The following PDLIM5 variants were observed in gnomAD, a reference collection of about 807,000 sequenced individuals.
The protein encoded by PDLIM5 is PDZ and LIM domain 5, also known as PDZ and LIM domain protein 5.
A neutral mutation model predicts 64.2 loss-of-function variants in PDLIM5; 34 were observed. That is an observed-to-expected ratio of 0.53 (90% CI 0.40 to 0.71). The LOEUF (loss-of-function observed/expected upper bound fraction) is 0.71, where lower values mean the gene tolerates loss of function less well. Among genes scored for constraint, PDLIM5 ranks in the 30% least tolerant of loss-of-function variants. The probability of loss-of-function intolerance (pLI) is 0.00; values close to 1 mark genes in which losing one functional copy is unlikely to be tolerated. For missense variants in PDLIM5, 683 were observed against 733.6 expected (o/e 0.93, Z 0.80); for synonymous variants, 253 against 269.1 (o/e 0.94, Z 0.59).
intron 2 of PDLIM5, among the ~76,000 whole-genome samples, chr4:94,491,757 A>G (rs1726893012): frequency 6.6e-6 from 1 of 152,090 alleles, no homozygotes; most frequent in African/African-American, 2.4e-5. Flanking sequence ...TTCTCCCTTC[A>G]TTTTTAAATA....
intron 3 of PDLIM5, among the ~76,000 whole-genome samples, chr4:94,564,243 T>A (rs1734096220): frequency 6.6e-6 from 1 of 152,170 alleles, no homozygotes; most frequent in Non-Finnish European, 1.5e-5. Flanking sequence ...ATTACAAGCA[T>A]GAGCCATCGT....
At chr4:94,459,596 A>T (rs567154954) in intron 2 of PDLIM5, among the ~76,000 whole-genome samples, 3 of 152,252 alleles carry the variant, frequency 2.0e-5, no homozygotes, top group African/African-American at 7.2e-5. Context: ...TGAAGAAGAT[A>T]CAAAGTGGGG....
intron 2 of PDLIM5, among the ~76,000 whole-genome samples, chr4:94,471,391 T>TAA (rs1006552729): frequency 6.8e-6 from 1 of 146,486 alleles, no homozygotes; most frequent in Admixed American, 6.8e-5. Context: ...TTTCTAGGCT[T>TAA]AAAAAAAAAA....
At position 94,596,061 on chromosome 4, in the gene PDLIM5, T is replaced by A. The variant is rs144889003; in HGVS notation, c.920+9617T>A. Among the ~76,000 whole-genome samples the A allele has an allele frequency of 5.5e-3, 840 of 152,314 alleles. 12 individuals carry two copies. The highest frequency in any genetic ancestry group is 0.019 in the African/African-American group (801 of 41,572). On this transcript the variant is annotated intron_variant, in intron 7 of 12. Coordinates refer to ENST00000317968, the MANE Select transcript of PDLIM5 (RefSeq NM_006457.5). ...AGTATACTGTTTTATGCAAATACTG[T>A]TTTGCTGACTACAATGTAAAGGTCG...
intron 3 of PDLIM5, among the ~76,000 whole-genome samples, chr4:94,555,002 T>A (rs1733149440): frequency 6.6e-6 from 1 of 151,344 alleles, no homozygotes; most frequent in Non-Finnish European, 1.5e-5. Flanking sequence ...TGTGAGCACA[T>A]TTCAGGTAGG....
At chr4:94,628,293 C>A (rs1407416986) in intron 8 of PDLIM5, among the ~76,000 whole-genome samples, 3 of 152,176 alleles carry the variant, frequency 2.0e-5, no homozygotes, top group Admixed American at 2.0e-4. Flanking sequence ...CATAAAATAG[C>A]TGACCTACCA....
chr4:94,493,636 C>T (rs1466482490), intron 2 of PDLIM5, among the ~76,000 whole-genome samples: 1 of 152,114 alleles, frequency 6.6e-6, no homozygotes, highest in African/African-American at 2.4e-5. Context: ...AAAGCTGCTG[C>T]TTTAAATATT....
At chr4:94,526,036 T>C (rs1351495013) in intron 3 of PDLIM5, among the ~76,000 whole-genome samples, 1 of 152,160 alleles carries the variant, frequency 6.6e-6, no homozygotes, top group Non-Finnish European at 1.5e-5. Flanking sequence ...GTTTGAGATA[T>C]CAAGAAAGCA....
intron 7 of PDLIM5, among the ~76,000 whole-genome samples, chr4:94,599,537 G>A (rs149358316): frequency 1.9e-3 from 285 of 152,278 alleles, no homozygotes; most frequent in African/African-American, 6.4e-3. Context: ...AAAATTAAAG[G>A]TTATGAATTT....
intron 2 of PDLIM5, among the ~76,000 whole-genome samples, chr4:94,518,982 T>A (rs1394183408): frequency 1.3e-5 from 2 of 152,160 alleles, no homozygotes; most frequent in Non-Finnish European, 2.9e-5. Context: ...GGCCTTTTGG[T>A]ACAGTGGCAA....
intron 9 of PDLIM5, among the ~76,000 whole-genome samples, chr4:94,643,482 G>A (rs552790546): frequency 5.7e-4 from 87 of 152,214 alleles, no homozygotes; most frequent in African/African-American, 2.0e-3. Flanking sequence ...TTCAGTTTCC[G>A]TGGTAGAATG....
chr4:94,611,277 T>C (rs1168576173), intron 7 of PDLIM5: 13 of 1,243,572 alleles, frequency 1.0e-5, no homozygotes, highest in African/African-American at 1.5e-5. Context: ...ACCACTGTAT[T>C]AACAGGCCAG....
intron 2 of PDLIM5, among the ~76,000 whole-genome samples, chr4:94,504,531 C>T (rs1043739320): frequency 2.6e-5 from 4 of 152,086 alleles, no homozygotes; most frequent in Non-Finnish European, 2.9e-5. Flanking sequence ...GTGATCTGCC[C>T]GTCTTGGCCT....
rs956261155 is a variant in PDLIM5 at position 94,518,974 on chromosome 4, C to T, written c.97-4750C>T. 5.3e-5 allele frequency among the ~76,000 whole-genome samples: 8 copies of T among 152,124 alleles called. No homozygotes were observed. In the East Asian group the frequency reaches 7.7e-4, roughly 15 times the overall value. On this transcript the variant is annotated intron_variant, in intron 2 of 12. Transcript: ENST00000317968. ...CGCTTTATTGCTTCTTATCCTTTGG[C>T]CTTTTGGTACAGTGGCAACACCTAA...
intron 2 of PDLIM5, among the ~76,000 whole-genome samples, chr4:94,513,398 C>G (rs1729072131): frequency 6.6e-6 from 1 of 152,112 alleles, no homozygotes; most frequent in South Asian, 2.1e-4. Context: ...CTGTCCTCTT[C>G]CATTTCTTTC....
At chr4:94,474,012 C>A (rs74836620) in intron 2 of PDLIM5, among the ~76,000 whole-genome samples, 1,649 of 152,058 alleles carry the variant, frequency 0.011, 29 homozygotes, top group African/African-American at 0.037. Flanking sequence ...GTCTTTACAC[C>A]AAGATTTCAG....
intron 3 of PDLIM5, among the ~76,000 whole-genome samples, chr4:94,561,140 G>C (rs1445513335): frequency 6.6e-6 from 1 of 152,098 alleles, no homozygotes; most frequent in Non-Finnish European, 1.5e-5. Flanking sequence ...GTTACAAATA[G>C]TATACTCCTG....
intron 2 of PDLIM5, among the ~76,000 whole-genome samples, chr4:94,510,783 G>A (rs1439974014): frequency 3.3e-5 from 5 of 151,886 alleles, no homozygotes; most frequent in South Asian, 2.1e-4. Context: ...TGAGGCAGGC[G>A]GATCACTTGA....
At chr4:94,546,304 C>A (rs2110198254) in intron 3 of PDLIM5, among the ~76,000 whole-genome samples, 1 of 152,216 alleles carries the variant, frequency 6.6e-6, no homozygotes, top group African/African-American at 2.4e-5. Flanking sequence ...TTAAACCTTA[C>A]CGCCTACCTT....
Sources: allele counts gnomAD v4.1 joint callset (sites outside exome capture counted in the v4.1 genomes callset), GRCh38; gene constraint gnomAD v4.1.1; transcripts MANE v1.5; gene names NCBI Gene and HGNC (gene_info 2026-07-23, HGNC 2026-07-21).